ALMS1: variants seen among roughly 807,000 people sequenced by gnomAD.
ALMS1 encodes the protein centrosome-associated protein ALMS1.
In ALMS1, 271 loss-of-function variants were observed where a neutral mutation model predicts 352.2. That is an observed-to-expected ratio of 0.77 (90% CI 0.70 to 0.85). The LOEUF (loss-of-function observed/expected upper bound fraction) is 0.85. ALMS1 is among the 40% of genes least tolerant of loss of function. ALMS1 has a pLI of 0.00. For missense variants in ALMS1, 5,445 were observed against 4,870.7 expected (o/e 1.12, Z -3.51); for synonymous variants, 1,865 against 1,761.2 (o/e 1.06, Z -1.48).
rs775728363 is a variant in ALMS1, at chr2:73,559,010, G to A, written c.10252G>A (p.Val3418Ile). Residue 3418 changes from valine (V) to isoleucine (I), a missense_variant, in exon 15 of 23, where the codon GTA becomes ATA. Transcript: ENST00000613296. Reference sequence around the variant, plus strand: ...TGCTGCTGCAGAGCACTCAGCTCAAGTAGGAGACCCAGAAATGAAGAACTT... The same window carrying A: ...TGCTGCTGCAGAGCACTCAGCTCAAATAGGAGACCCAGAAATGAAGAACTT... ...AAAAAEHSAQVGDPEMKNLPD... is the reference protein window; with the variant it reads ...AAAAAEHSAQIGDPEMKNLPD... 1.3e-5 allele frequency: 21 copies of A among 1,613,866 alleles called. No homozygotes were observed. In the East Asian group the frequency reaches 4.7e-4, roughly 36 times the overall value.
In ALMS1 at chr2:73,534,844, T is replaced by C; in HGVS notation, c.9802T>C (p.Tyr3268His). The C allele has an allele frequency of 6.2e-7, 1 of 1,613,622 alleles. No individual in the cohort carries two copies. Among genetic ancestry groups the C allele is most frequent in the Non-Finnish European group, 8.5e-7 (1 of 1,179,624 alleles). ...GTDGQPLLLP[Y>H]KPSGSTKMYY... Reference sequence around the variant, plus strand: ...CTTAGGCCAGCCTTTATTATTGCCATATAAGCCTTCTGGTAGTACCAAGAT... The same window carrying C: ...CTTAGGCCAGCCTTTATTATTGCCACATAAGCCTTCTGGTAGTACCAAGAT... The change falls in exon 12 of 23, where the codon TAT becomes CAT. Residue 3268 changes from tyrosine to histidine, a missense_variant. Tyr to His is a moderately conservative substitution (Grantham distance 83, BLOSUM62 2). Transcript: ENST00000613296.
At chr2:73,521,667 A>G (rs1003133464) in intron 11 of ALMS1, among the ~76,000 whole-genome samples, 3 of 150,946 alleles carry the variant, frequency 2.0e-5, no homozygotes, top group Non-Finnish European at 4.4e-5. Flanking sequence ...GGAGGATGGC[A>G]TGAACCCAGG....
At chr2:73,468,970 G>C (rs1399871703) in intron 9 of ALMS1, among the ~76,000 whole-genome samples, 4 of 151,712 alleles carry the variant, frequency 2.6e-5, no homozygotes, top group Non-Finnish European at 5.9e-5. Context: ...GCTCCTAAAG[G>C]AAACTCTCTT....
intron 9 of ALMS1, among the ~76,000 whole-genome samples, chr2:73,477,120 T>G (rs1332888344): frequency 1.3e-5 from 2 of 152,150 alleles, no homozygotes; most frequent in Admixed American, 6.6e-5. Context: ...AAATTTTGAT[T>G]TAGTCCAATT....
intron 2 of ALMS1, among the ~76,000 whole-genome samples, chr2:73,415,321 T>C (rs540538442): frequency 3.9e-5 from 6 of 152,144 alleles, no homozygotes; most frequent in Non-Finnish European, 8.8e-5. Context: ...AATGGGAAAT[T>C]ATAAGAATAT....
chr2:73,541,115 G>A (rs942093319), intron 12 of ALMS1, among the ~76,000 whole-genome samples: 1 of 152,128 alleles, frequency 6.6e-6, no homozygotes, highest in African/African-American at 2.4e-5. Context: ...TGACCACATA[G>A]TTGGAAGTAA....
At chr2:73,576,606 TTTTTTC>T (rs1426499298) in intron 16 of ALMS1, among the ~76,000 whole-genome samples, 3 of 144,764 alleles carry the variant, frequency 2.1e-5, no homozygotes, top group African/African-American at 5.6e-5. Context: ...AGATTACTAG[TTTTTTC>T]TTTTTCTTTT....
chr2:73,508,984 T>C (rs1234860271), intron 10 of ALMS1, among the ~76,000 whole-genome samples: 2 of 152,230 alleles, frequency 1.3e-5, no homozygotes, highest in Non-Finnish European at 2.9e-5. Context: ...AATGCTCTTC[T>C]TTGTCTTTTT....
chr2:73,392,961 G>T (rs1449323730), intron 1 of ALMS1, among the ~76,000 whole-genome samples: 1 of 152,138 alleles, frequency 6.6e-6, no homozygotes, highest in Non-Finnish European at 1.5e-5. Flanking sequence ...GTGTATGAGA[G>T]TTCCAGTTTC....
intron 13 of ALMS1, among the ~76,000 whole-genome samples, chr2:73,554,532 C>T (rs966652091): frequency 2.0e-5 from 3 of 150,940 alleles, no homozygotes; most frequent in South Asian, 2.1e-4. Flanking sequence ...GGTGAAACCC[C>T]GTCTCTACTA....
chr2:73,556,646 T>G (rs1279702726), intron 13 of ALMS1, among the ~76,000 whole-genome samples: 3 of 140,222 alleles, frequency 2.1e-5, no homozygotes, highest in African/African-American at 2.7e-5. Context: ...TTTTTTTTTG[T>G]TTTTTTTTTT....
chr2:73,489,873 C>T lies in ALMS1; in HGVS notation c.7914C>T (p.Ser2638=). 1 of 1,614,154 alleles carries T rather than the reference C, an allele frequency of 6.2e-7. No homozygotes were observed. Among genetic ancestry groups the T allele is most frequent in the Non-Finnish European group, 8.5e-7 (1 of 1,180,018 alleles). The stretch of plus-strand genomic sequence containing the variant: ...CTGCATCCTTAGACCAGAACAACTC[C>T]CATTTCAAAGTTTGGAATTCCTTGC... ...NLSASLDQNN[S]HFKVWNSLQL... The change falls in exon 10 of 23, where the codon TCC becomes TCT. Residue 2638 remains serine, a synonymous_variant. Transcript: ENST00000613296.
intron 1 of ALMS1, among the ~76,000 whole-genome samples, chr2:73,391,320 G>C: frequency 1.5e-5 from 1 of 66,044 alleles, no homozygotes; most frequent in Non-Finnish European, 2.6e-5. Context: ...TTGAGACGGA[G>C]TCTCGCTCTG....
At chr2:73,392,058 C>T (rs1670660099) in intron 1 of ALMS1, among the ~76,000 whole-genome samples, 2 of 152,170 alleles carry the variant, frequency 1.3e-5, no homozygotes, top group East Asian at 1.9e-4. Context: ...GTTATTTTCA[C>T]TTCTCATTCC....
intron 11 of ALMS1, 137 bp downstream of exon 11, chr2:73,520,153 C>A: frequency 9.1e-7 from 1 of 1,103,578 alleles, no homozygotes; most frequent in Non-Finnish European, 1.3e-6. Flanking sequence ...TTATATCTGT[C>A]TTTTATTTGC....
At chr2:73,603,389 A>G (rs1675743878) in intron 21 of ALMS1, 85 bp downstream of exon 21, 4 of 1,189,774 alleles carry the variant, frequency 3.4e-6, no homozygotes, top group Non-Finnish European at 5.0e-6. Context: ...CCCAGAATAA[A>G]TGTATTATAC....
chr2:73,445,294 T>C (rs1378109108), intron 7 of ALMS1, among the ~76,000 whole-genome samples: 1 of 152,144 alleles, frequency 6.6e-6, no homozygotes, highest in East Asian at 1.9e-4. Flanking sequence ...TATAAATAAT[T>C]GTTGACTGTA....
chr2:73,422,200 TC>T (rs1444931421), intron 3 of ALMS1, among the ~76,000 whole-genome samples: 2 of 152,128 alleles, frequency 1.3e-5, no homozygotes, highest in Non-Finnish European at 2.9e-5. Context: ...CTTAAACAAT[TC>T]TATAATGTCT....
At chr2:73,465,176 C>T (rs1244132330) in intron 9 of ALMS1, among the ~76,000 whole-genome samples, 3 of 152,140 alleles carry the variant, frequency 2.0e-5, no homozygotes. Flanking sequence ...GCCTGCATCG[C>T]CAAGTCAATC....
Sources: allele counts gnomAD v4.1 joint callset (sites outside exome capture counted in the v4.1 genomes callset), GRCh38; gene constraint gnomAD v4.1.1; transcripts MANE v1.5; gene names NCBI Gene and HGNC (gene_info 2026-07-23, HGNC 2026-07-21).